Variants in IKZF2 observed in about 807,000 individuals in gnomAD.
IKZF2 encodes zinc finger protein Helios.
In IKZF2, 15 loss-of-function variants were observed where a neutral mutation model predicts 49.2. The ratio of observed to expected loss-of-function variants is 0.30; its 90% CI spans 0.20 to 0.47. The LOEUF is 0.47. Among genes scored for constraint, IKZF2 ranks in the 20% least tolerant of loss-of-function variants. IKZF2 has a pLI of 1.00. For synonymous variants in IKZF2, 227 were observed against 221.4 expected (o/e 1.03, Z -0.23); for missense variants, 567 against 664.6 (o/e 0.85, Z 1.61).
intron 6 of IKZF2, among the ~76,000 whole-genome samples, chr2:213,022,661 G>C (rs1253384170): frequency 6.6e-6 from 1 of 152,166 alleles, no homozygotes; most frequent in African/African-American, 2.4e-5. Context: ...GATGAAAGTA[G>C]AGTTTCCTTT....
chr2:213,007,345 T>C lies in IKZF2; in HGVS notation c.*15A>G. The stretch of plus-strand genomic sequence containing the variant: ...GTTCTTTACTTCATAGGGGTCCCCT[T>C]TGGAATGAAAAGGCCTAGTGGAATG... On this transcript the variant is annotated 3_prime_UTR_variant, in exon 9 of 9. Coordinates refer to ENST00000434687, the MANE Select transcript of IKZF2 (RefSeq NM_001387220.1). The C allele has an allele frequency of 6.2e-7, 1 of 1,609,112 alleles. No individual in the cohort carries two copies. Among genetic ancestry groups the C allele is most frequent in the Non-Finnish European group, 8.5e-7 (1 of 1,177,608 alleles).
chr2:213,105,135 C>T (rs2059481659), intron 4 of IKZF2, among the ~76,000 whole-genome samples: 1 of 152,086 alleles, frequency 6.6e-6, no homozygotes, highest in African/African-American at 2.4e-5. Flanking sequence ...GCTTTGACTG[C>T]TTCTTTCAAT....
chr2:213,054,212 C>A (rs1021945103), intron 5 of IKZF2, among the ~76,000 whole-genome samples: 1 of 151,906 alleles, frequency 6.6e-6, no homozygotes, highest in Non-Finnish European at 1.5e-5. Flanking sequence ...CCACTACACT[C>A]CAGCCTGGGC....
At chr2:213,110,661 TATAAG>T (rs2059677053) in intron 4 of IKZF2, among the ~76,000 whole-genome samples, 1 of 151,998 alleles carries the variant, frequency 6.6e-6, no homozygotes, top group Non-Finnish European at 1.5e-5. Context: ...GACAAATTAT[TATAAG>T]ATAAATTTGT....
At chr2:213,058,528 G>A (rs2125396045) in intron 4 of IKZF2, among the ~76,000 whole-genome samples, 1 of 150,214 alleles carries the variant, frequency 6.7e-6, no homozygotes, top group African/African-American at 2.4e-5. Flanking sequence ...TCAACTTATG[G>A]TACATAAACT....
At position 213,092,468 on chromosome 2, in the gene IKZF2, T is replaced by C. The variant is rs149499814; in HGVS notation, c.140-35369A>G. Among the ~76,000 whole-genome samples the C allele has an allele frequency of 5.8e-3, 881 of 152,278 alleles. 11 individuals carry two copies. Among genetic ancestry groups the C allele is most frequent in the African/African-American group, 0.02 (846 of 41,550 alleles). ...CCCCAGAACTTCAGTCTACATACCA[T>C]GCCACGCAGAGAGTTGGTAAACCAT... On this transcript the variant is annotated intron_variant, in intron 4 of 8. Transcript: ENST00000434687.
chr2:213,138,420 G>A (rs1438954443), intron 4 of IKZF2, among the ~76,000 whole-genome samples: 1 of 151,936 alleles, frequency 6.6e-6, no homozygotes, highest in East Asian at 1.9e-4. Flanking sequence ...TCCCCAAACA[G>A]AGAAAATCAC....
intron 8 of IKZF2, among the ~76,000 whole-genome samples, chr2:213,009,472 T>G (rs960249193): frequency 5.3e-5 from 8 of 152,078 alleles, no homozygotes; most frequent in Non-Finnish European, 1.2e-4. Context: ...TTGTTGTGGA[T>G]GGATGCTTAA....
intron 8 of IKZF2, among the ~76,000 whole-genome samples, chr2:213,008,625 T>A (rs937556907): frequency 2.0e-5 from 3 of 152,154 alleles, no homozygotes; most frequent in African/African-American, 7.2e-5. Flanking sequence ...ATGCATCTAG[T>A]CTGAAAGATA....
intron 4 of IKZF2, among the ~76,000 whole-genome samples, chr2:213,145,785 A>T (rs1659305506): frequency 6.6e-6 from 1 of 152,102 alleles, no homozygotes; most frequent in African/African-American, 2.4e-5. Flanking sequence ...AGAACCTGAA[A>T]ACACGTGCAT....
chr2:213,050,956 G>C (rs1306146957), intron 5 of IKZF2, among the ~76,000 whole-genome samples: 1 of 151,988 alleles, frequency 6.6e-6, no homozygotes, highest in Non-Finnish European at 1.5e-5. Context: ...AGAATAAAAA[G>C]AACATTACAA....
chr2:213,131,998 A>T (rs2060488809), intron 4 of IKZF2, among the ~76,000 whole-genome samples: 1 of 152,310 alleles, frequency 6.6e-6, no homozygotes, highest in East Asian at 1.9e-4. Context: ...AAGATAAATG[A>T]ATATTTCTTA....
intron 4 of IKZF2, among the ~76,000 whole-genome samples, chr2:213,093,218 A>G (rs1172907604): frequency 6.6e-6 from 1 of 152,154 alleles, no homozygotes; most frequent in East Asian, 1.9e-4. Flanking sequence ...CTTTTAGGAT[A>G]AAAATCCAAA....
intron 4 of IKZF2, among the ~76,000 whole-genome samples, chr2:213,110,874 AT>A (rs2059683136): frequency 1.3e-5 from 2 of 152,070 alleles, no homozygotes; most frequent in South Asian, 4.1e-4. Flanking sequence ...TATACCTCCT[AT>A]TTTGGGTGAA....
intron 6 of IKZF2, among the ~76,000 whole-genome samples, chr2:213,040,720 A>C (rs1169985727): frequency 2.0e-5 from 3 of 152,220 alleles, no homozygotes; most frequent in Non-Finnish European, 4.4e-5. Flanking sequence ...TATAGTAATC[A>C]AATTTATAAG....
chr2:213,142,913 G>C (rs1295364051), intron 4 of IKZF2, among the ~76,000 whole-genome samples: 1 of 151,822 alleles, frequency 6.6e-6, no homozygotes, highest in East Asian at 1.9e-4. Flanking sequence ...TTATAATAAA[G>C]GAAACCATCC....
chr2:213,059,219 C>T (rs767075769), intron 4 of IKZF2, among the ~76,000 whole-genome samples: 1 of 151,650 alleles, frequency 6.6e-6, no homozygotes, highest in South Asian at 2.1e-4. Context: ...GGTTGTCAGT[C>T]TTTTCTCACT....
At chr2:213,072,377 G>C (rs1272828523) in intron 4 of IKZF2, among the ~76,000 whole-genome samples, 1 of 143,392 alleles carries the variant, frequency 7.0e-6, no homozygotes, top group East Asian at 2.0e-4. Context: ...AACTCATTTT[G>C]TCGCCAGCAA....
intron 4 of IKZF2, among the ~76,000 whole-genome samples, chr2:213,112,356 T>C (rs1420233951): frequency 3.9e-5 from 4 of 103,028 alleles, no homozygotes; most frequent in Non-Finnish European, 1.1e-4. Flanking sequence ...AAATATATTT[T>C]TATTGCAACT....
Sources: allele counts gnomAD v4.1 joint callset (sites outside exome capture counted in the v4.1 genomes callset), GRCh38; gene constraint gnomAD v4.1.1; transcripts MANE v1.5; gene names NCBI Gene and HGNC (gene_info 2026-07-23, HGNC 2026-07-21).